Variants in GLIS1 observed in about 807,000 individuals in gnomAD.
GLIS1 encodes the protein zinc finger protein GLIS1.
In GLIS1, 24 loss-of-function variants were observed where a neutral mutation model predicts 63.8. The observed-to-expected ratio is 0.38, with a 90% CI of 0.27 to 0.53. GLIS1 has a LOEUF of 0.53. GLIS1 is among the 20% of genes least tolerant of loss of function. GLIS1 has a pLI of 0.85. For missense variants in GLIS1, 1,036 were observed against 1,074.1 expected, an observed-to-expected ratio of 0.96 and a Z score of 0.50; for synonymous variants, 450 against 482.5, an observed-to-expected ratio of 0.93 and a Z score of 0.88.
intron 2 of GLIS1, among the ~76,000 whole-genome samples, chr1:53,627,448 G>C (rs1645607862): frequency 6.6e-6 from 1 of 152,086 alleles, no homozygotes; most frequent in South Asian, 2.1e-4. Flanking sequence ...TGCTGCTCCA[G>C]CTCCGATTTT....
intron 3 of GLIS1, among the ~76,000 whole-genome samples, chr1:53,596,183 C>G (rs1645253531): frequency 6.6e-6 from 1 of 152,348 alleles, no homozygotes; most frequent in Non-Finnish European, 1.5e-5. Flanking sequence ...GCCTCTCCCA[C>G]ATGTGGAACA....
intron 2 of GLIS1, among the ~76,000 whole-genome samples, chr1:53,679,794 G>T (rs1646255515): frequency 6.6e-6 from 1 of 152,230 alleles, no homozygotes; most frequent in Non-Finnish European, 1.5e-5. Flanking sequence ...CCTGTAGCAT[G>T]CTGACACACG....
chr1:53,594,606 G>A lies in GLIS1; in HGVS notation c.822C>T (p.Thr274=). Residue 274 remains threonine, a synonymous_variant, in exon 4 of 11, where the codon ACC becomes ACT. Transcript: ENST00000628545. The part of the protein sequence containing the change: ...IIRSSQTSLV[T]CVNGLRSPPL... ...GGGGGCTCCGGAGTCCATTTACACA[G>A]GTGACCAGAGACGTCTGGGAGGAGC... 6.3e-7 allele frequency: 1 copy of A among 1,580,834 alleles called. No homozygotes were observed. The highest frequency in any genetic ancestry group is 8.6e-7 in the Non-Finnish European group (1 of 1,160,254).
chr1:53,621,912 G>A (rs1645547325), intron 2 of GLIS1, among the ~76,000 whole-genome samples: 1 of 152,064 alleles, frequency 6.6e-6, no homozygotes, highest in South Asian at 2.1e-4. Context: ...CTGGGTTCAG[G>A]TGATTCTCCT....
At chr1:53,552,749 G>A (rs568601473) in intron 4 of GLIS1, among the ~76,000 whole-genome samples, 110 of 152,296 alleles carry the variant, frequency 7.2e-4, no homozygotes, top group Middle Eastern at 6.8e-3. Flanking sequence ...CTGGACCACG[G>A]GCTGGCAGCC....
At chr1:53,608,589 T>C (rs748047958) in intron 2 of GLIS1, among the ~76,000 whole-genome samples, 1 of 152,220 alleles carries the variant, frequency 6.6e-6, no homozygotes, top group Non-Finnish European at 1.5e-5. Context: ...ACTTACTAAC[T>C]GTGTGACCTT....
At chr1:53,555,940 T>C (rs1644816566) in intron 4 of GLIS1, among the ~76,000 whole-genome samples, 1 of 143,242 alleles carries the variant, frequency 7.0e-6, no homozygotes, top group African/African-American at 2.7e-5. Context: ...CAGGTGTGTG[T>C]GCAGGTGTAC....
At chr1:53,712,216 A>C (rs1181555458) in intron 2 of GLIS1, among the ~76,000 whole-genome samples, 2 of 152,206 alleles carry the variant, frequency 1.3e-5, no homozygotes, top group East Asian at 3.9e-4. Context: ...TGCCTAAAGC[A>C]GTGCTTCTCA....
chr1:53,516,536 T>TA (rs879486758), intron 7 of GLIS1, among the ~76,000 whole-genome samples: 162 of 144,266 alleles, frequency 1.1e-3, no homozygotes, highest in East Asian at 2.2e-3. Flanking sequence ...TGGAAACCGT[T>TA]AAAAAAAAAA....
rs112659882 is a variant in GLIS1, at chr1:53,715,299, G to T, written c.259+22507C>A. On this transcript the variant is annotated intron_variant, in intron 2 of 10. Transcript: ENST00000628545. Reference sequence around the variant, plus strand: ...TGGGAGGTGATATGTAAGCAGAAAAGTCCAGAGTCCACCATGGGCAGGTGA... The same window carrying T: ...TGGGAGGTGATATGTAAGCAGAAAATTCCAGAGTCCACCATGGGCAGGTGA... Among the ~76,000 whole-genome samples the T allele has an allele frequency of 7.4e-3, 1,133 of 152,314 alleles. 20 individuals are homozygous for T. Among genetic ancestry groups the T allele is most frequent in the African/African-American group, 0.025 (1,024 of 41,566 alleles).
chr1:53,669,921 ACAG>A (rs1315911988), intron 2 of GLIS1, among the ~76,000 whole-genome samples: 1 of 152,220 alleles, frequency 6.6e-6, no homozygotes, highest in Non-Finnish European at 1.5e-5. Context: ...CCTGACCAGG[ACAG>A]CAGCTTGCAG....
intron 2 of GLIS1, among the ~76,000 whole-genome samples, chr1:53,662,578 GCCGT>G (rs1465876113): frequency 3.3e-5 from 5 of 152,112 alleles, no homozygotes; most frequent in Non-Finnish European, 5.9e-5. Flanking sequence ...TCACATGTGG[GCCGT>G]CAGCCTCCTG....
chr1:53,545,900 G>A lies in GLIS1; in HGVS notation c.1321-15948C>T, dbSNP rs148853083. 4.3e-3 allele frequency among the ~76,000 whole-genome samples: 659 copies of A among 152,298 alleles called. 8 individuals carry two copies. The highest frequency in any genetic ancestry group is 0.015 in the African/African-American group (612 of 41,546). On this transcript the variant is annotated intron_variant, in intron 4 of 10. Coordinates refer to ENST00000628545, the MANE Select transcript of GLIS1 (RefSeq NM_001367484.1). ...ATCTGGAGCCAGATCCGGTCCATGCGCTGGCTCCTGTCCTACGTGACATGA... is the reference window on the plus strand; with the variant it reads ...ATCTGGAGCCAGATCCGGTCCATGCACTGGCTCCTGTCCTACGTGACATGA...
chr1:53,671,513 A>G (rs1646152512), intron 2 of GLIS1, among the ~76,000 whole-genome samples: 1 of 152,214 alleles, frequency 6.6e-6, no homozygotes, highest in Admixed American at 6.5e-5. Context: ...CATGGCCCCC[A>G]GTGCCTGAGG....
chr1:53,520,583 G>A (rs774367577), intron 7 of GLIS1, 51 bp downstream of exon 7: 17 of 1,533,054 alleles, frequency 1.1e-5, no homozygotes, highest in Admixed American at 2.0e-5. Context: ...TGTGGGCAGA[G>A]AAAGGCCCCT....
At chr1:53,659,993 C>G (rs184415852) in intron 2 of GLIS1, among the ~76,000 whole-genome samples, 121 of 152,336 alleles carry the variant, frequency 7.9e-4, no homozygotes, top group African/African-American at 2.6e-3. Flanking sequence ...GGCTCTTTCC[C>G]TCTCGAGCCC....
intron 2 of GLIS1, among the ~76,000 whole-genome samples, chr1:53,609,760 G>T (rs926289941): frequency 6.6e-6 from 1 of 152,176 alleles, no homozygotes; most frequent in Admixed American, 6.5e-5. Flanking sequence ...ATTATTAGAT[G>T]ATTTCATTGC....
chr1:53,529,443 A>C (rs1325149791), intron 5 of GLIS1, among the ~76,000 whole-genome samples: 1 of 152,122 alleles, frequency 6.6e-6, no homozygotes, highest in Non-Finnish European at 1.5e-5. Context: ...TCTCTCCATG[A>C]GGCTGTGCAC....
chr1:53,674,194 AG>A (rs918273441), intron 2 of GLIS1, among the ~76,000 whole-genome samples: 2 of 150,958 alleles, frequency 1.3e-5, no homozygotes, highest in Non-Finnish European at 3.0e-5. Flanking sequence ...AAAAAAGAAA[AG>A]AAAAAAAAAT....
Sources: allele counts gnomAD v4.1 joint callset (sites outside exome capture counted in the v4.1 genomes callset), GRCh38; gene constraint gnomAD v4.1.1; transcripts MANE v1.5; gene names NCBI Gene and HGNC (gene_info 2026-07-23, HGNC 2026-07-21).